Variants in SYTL5 observed in about 807,000 individuals in gnomAD.
SYTL5 encodes the protein synaptotagmin like 5.
In SYTL5, 34 loss-of-function variants were observed where a neutral mutation model predicts 55.9. That is an observed-to-expected ratio of 0.61 (90% CI 0.46 to 0.81). The LOEUF is 0.81. Ranked by LOEUF, SYTL5 falls within the 30% of genes least tolerant of loss-of-function variation. The probability of loss-of-function intolerance (pLI) is 0.00; values close to 1 mark genes in which losing one functional copy is unlikely to be tolerated. For missense variants in SYTL5, 637 were observed against 546.7 expected, an observed-to-expected ratio of 1.17 and a Z score of -1.65; for synonymous variants, 221 against 188.7, an observed-to-expected ratio of 1.17 and a Z score of -1.40.
the SYTL5 span, among the ~76,000 whole-genome samples, chrX:37,902,731 C>T: frequency 9.0e-6 from 1 of 111,573 alleles, no homozygotes; most frequent in Non-Finnish European, 1.9e-5. Context: ...CCCAGGCCAG[C>T]CAATCAGAAT....
intron 2 of SYTL5, among the ~76,000 whole-genome samples, chrX:38,040,467 C>T (rs185005791): frequency 2.1e-4 from 23 of 108,056 alleles, no homozygotes; most frequent in African/African-American, 7.1e-4. Flanking sequence ...CCCCCCCGAC[C>T]CGAGCCCCAC....
intron 5 of SYTL5, 40 bp downstream of exon 5, chrX:38,073,738 T>G: frequency 1.0e-6 from 1 of 956,084 alleles, no homozygotes; most frequent in East Asian, 3.3e-5. Flanking sequence ...TGATCTTTAT[T>G]CCAGACACCT....
chrX:37,966,231 G>A, the SYTL5 span, among the ~76,000 whole-genome samples: 11 of 108,871 alleles, frequency 1.0e-4, no homozygotes, highest in Non-Finnish European at 1.5e-4. Context: ...GTATTGATCC[G>A]CTTTGATTCC....
At chrX:37,899,608 G>A in the SYTL5 span, among the ~76,000 whole-genome samples, 3 of 111,740 alleles carry the variant, frequency 2.7e-5, no homozygotes, top group Admixed American at 2.9e-4. Flanking sequence ...ATTTGTCCAT[G>A]TCTGAGTTCA....
intron 1 of SYTL5, among the ~76,000 whole-genome samples, chrX:38,033,225 A>C (rs1935010006): frequency 9.0e-6 from 1 of 111,309 alleles, no homozygotes; most frequent in African/African-American, 3.3e-5. Context: ...TAGTGTCCCA[A>C]AGTGGTGACC....
At chrX:38,066,845 C>T (rs778758749) in intron 3 of SYTL5, among the ~76,000 whole-genome samples, 1 of 112,008 alleles carries the variant, frequency 8.9e-6, no homozygotes, top group South Asian at 3.7e-4. Context: ...GACATAATAC[C>T]TTTATAACTT....
At position 38,122,147 on chromosome X, in the gene SYTL5, G is replaced by T. The variant is rs1288022770; in HGVS notation, c.1773G>T (p.Val591=). 9 of 1,203,343 alleles carry T rather than the reference G, an allele frequency of 7.5e-6. No homozygotes were observed. Among genetic ancestry groups the T allele is most frequent in the Non-Finnish European group, 1.0e-5 (9 of 889,886 alleles). Reference sequence around the variant, plus strand: ...TAATCTCTGGAGGAATACTAGAAGTGTTCATCAAAGAGGCAAAGAATTTGA... The same window carrying T: ...TAATCTCTGGAGGAATACTAGAAGTTTTCATCAAAGAGGCAAAGAATTTGA... ...SPVISGGILE[V]FIKEAKNLTA... is the part of the protein sequence containing the mutation. The change falls in exon 15 of 17, where the codon GTG becomes GTT. Residue 591 remains valine, a synonymous_variant. Coordinates refer to ENST00000297875, the MANE Select transcript of SYTL5 (RefSeq NM_138780.3).
At chrX:38,064,459 A>T (rs1209621574) in intron 3 of SYTL5, among the ~76,000 whole-genome samples, 1 of 111,201 alleles carries the variant, frequency 9.0e-6, no homozygotes, top group Non-Finnish European at 1.9e-5. Context: ...CTTTTCATAT[A>T]TTTATTAGCT....
chrX:38,033,189 G>C (rs1251765855), intron 1 of SYTL5, among the ~76,000 whole-genome samples: 1 of 111,435 alleles, frequency 9.0e-6, no homozygotes, highest in African/African-American at 3.3e-5. Flanking sequence ...GCCCTGATCT[G>C]TTATGGGCAG....
the SYTL5 span, among the ~76,000 whole-genome samples, chrX:37,981,208 A>T: frequency 8.9e-6 from 1 of 112,561 alleles, no homozygotes; most frequent in Non-Finnish European, 1.9e-5. Flanking sequence ...TGCTAAATTA[A>T]TCAGAGATAT....
the SYTL5 span, among the ~76,000 whole-genome samples, chrX:37,900,232 C>G: frequency 8.9e-6 from 1 of 112,183 alleles, no homozygotes; most frequent in East Asian, 2.8e-4. Flanking sequence ...AATATGCACT[C>G]AAATATTTCC....
chrX:38,009,663 A>G (rs191456578), intron 1 of SYTL5, among the ~76,000 whole-genome samples: 2 of 110,870 alleles, frequency 1.8e-5, no homozygotes, highest in East Asian at 5.6e-4. Context: ...GCTACCTACA[A>G]TTCAAGGTTT....
intron 1 of SYTL5, among the ~76,000 whole-genome samples, chrX:38,014,428 A>C: frequency 8.9e-6 from 1 of 112,216 alleles, no homozygotes; most frequent in Non-Finnish European, 1.9e-5. Flanking sequence ...GAATAGTGAA[A>C]GTATCTAAAT....
intron 1 of SYTL5, among the ~76,000 whole-genome samples, chrX:38,014,616 A>C (rs1934290103): frequency 1.8e-5 from 2 of 111,742 alleles, no homozygotes; most frequent in Non-Finnish European, 1.9e-5. Context: ...GCCGTGAGAC[A>C]TCAATCAGTA....
chrX:37,934,332 A>C, the SYTL5 span, among the ~76,000 whole-genome samples: 59 of 110,350 alleles, frequency 5.3e-4, 1 homozygote, highest in East Asian at 0.016. Context: ...AATGTCTTAC[A>C]AGTACAGAAC....
rs1280155938 is a variant in SYTL5 at position 38,117,148 on chromosome X, G to A, written c.1597-3210G>A. ...TGACAATGGTGGTATGCCAGGAGAG[G>A]GTGTTGCCTAGGAATTTCCTGGCAA... On this transcript the variant is annotated intron_variant, in intron 13 of 16. Transcript: ENST00000297875. 6.3e-5 allele frequency among the ~76,000 whole-genome samples: 7 copies of A among 111,770 alleles called. No individual in the cohort carries two copies. In the East Asian group the frequency reaches 1.7e-3, roughly 27 times the overall value.
At chrX:38,051,715 C>A (rs1183686446) in intron 2 of SYTL5, among the ~76,000 whole-genome samples, 1 of 111,418 alleles carries the variant, frequency 9.0e-6, no homozygotes, top group Admixed American at 9.6e-5. Flanking sequence ...TGCTTCATTG[C>A]TTGAAATATT....
At chrX:38,021,169 T>C (rs1472611291) in intron 1 of SYTL5, among the ~76,000 whole-genome samples, 1 of 111,815 alleles carries the variant, frequency 8.9e-6, no homozygotes, top group Non-Finnish European at 1.9e-5. Flanking sequence ...ATGTATATTT[T>C]TGAGGTAGAG....
intron 3 of SYTL5, among the ~76,000 whole-genome samples, chrX:38,064,036 A>G (rs1936026797): frequency 1.9e-5 from 2 of 105,786 alleles, no homozygotes; most frequent in South Asian, 8.7e-4. Flanking sequence ...AAAGTGGAGT[A>G]AAAAGTGTCA....
Sources: gnomAD v4.1 joint callset for allele counts (sites outside exome capture counted in the v4.1 genomes callset) on GRCh38, gnomAD v4.1.1 for gene constraint, MANE v1.5 for transcripts, NCBI Gene and HGNC (gene_info 2026-07-23, HGNC 2026-07-21) for gene names.